SUGP1: variants seen among roughly 807,000 people sequenced by gnomAD.
SUGP1 encodes SURP and G-patch domain-containing protein 1.
SUGP1 carries 34 observed loss-of-function variants against 76.5 expected under a neutral mutation model. The observed-to-expected ratio is 0.44, with a 90% CI of 0.34 to 0.59. SUGP1 has a LOEUF of 0.59. SUGP1 is among the 20% of genes least tolerant of loss of function. The pLI, the probability that SUGP1 is intolerant of heterozygous loss-of-function variation, is 0.01. For missense variants in SUGP1, 752 were observed against 851.7 expected, an observed-to-expected ratio of 0.88 and a Z score of 1.46; for synonymous variants, 326 against 326.2, an observed-to-expected ratio of 1.00 and a Z score of 0.01.
intron 8 of SUGP1, among the ~76,000 whole-genome samples, chr19:19,292,920 T>G (rs973384377): frequency 1.3e-5 from 2 of 152,112 alleles, no homozygotes; most frequent in Admixed American, 6.6e-5. Flanking sequence ...TTACTTTTTT[T>G]TTTTGAGACT....
intron 7 of SUGP1, chr19:19,301,953 G>A (rs956933759): frequency 3.9e-5 from 14 of 363,054 alleles, no homozygotes; most frequent in South Asian, 2.0e-4. Context: ...ACTTGCCCCC[G>A]GCCAAGGGCT....
Position 19,302,368 on chromosome 19 carries a change from C to G in SUGP1, c.784G>C (p.Glu262Gln). 1 of 1,614,176 alleles carries G rather than the reference C, an allele frequency of 6.2e-7. No individual in the cohort carries two copies. The highest frequency in any genetic ancestry group is 8.5e-7 in the Non-Finnish European group (1 of 1,180,002). Residue 262 changes from glutamate to glutamine, a missense_variant, in exon 7 of 14, where the codon GAG (glutamate) becomes CAG (glutamine). Physicochemically the swap from Glu to Gln is conservative, Grantham distance 29 (BLOSUM62 2). Transcript: ENST00000247001. The part of the protein sequence containing the change: ...SQKVSPPEDE[E>Q]VKNLAEKLAR... ...AACTTTTCTGCAAGGTTCTTGACCT[C>G]TTCGTCCTCTGGGGGTGAAACTTTA...
intron 2 of SUGP1, among the ~76,000 whole-genome samples, chr19:19,314,077 C>T (rs1044071241): frequency 4.0e-5 from 6 of 151,850 alleles, no homozygotes; most frequent in Admixed American, 3.9e-4. Flanking sequence ...GCGGAGGTCG[C>T]AGTGAGCCAA....
intron 4 of SUGP1, chr19:19,304,182 C>T (rs1043370742): frequency 4.8e-5 from 26 of 543,812 alleles, no homozygotes; most frequent in Admixed American, 3.8e-4. Flanking sequence ...CATAATACAT[C>T]GGTTCCCTTT....
chr19:19,314,250 C>A (rs370083091), intron 2 of SUGP1, among the ~76,000 whole-genome samples: 1 of 151,978 alleles, frequency 6.6e-6, no homozygotes, highest in African/African-American at 2.4e-5. Context: ...CTGAATCCAA[C>A]AGGCGGAGGT....
At chr19:19,314,148 T>TA (rs557716795) in intron 2 of SUGP1, among the ~76,000 whole-genome samples, 10 of 56,906 alleles carry the variant, frequency 1.8e-4, no homozygotes, top group Admixed American at 3.7e-4. Flanking sequence ...AAAAATAAAA[T>TA]AAATAAATAA....
chr19:19,302,943 C>A (rs780240434), intron 6 of SUGP1, among the ~76,000 whole-genome samples: 5 of 152,162 alleles, frequency 3.3e-5, no homozygotes, highest in Admixed American at 6.5e-5. Flanking sequence ...GTCCCCCAGG[C>A]CCTCGGCCCT....
chr19:19,302,682 G>A (rs116228205), intron 6 of SUGP1, among the ~76,000 whole-genome samples: 5,106 of 152,056 alleles, frequency 0.034, 308 homozygotes, highest in African/African-American at 0.12. Context: ...GAAGGCAGAT[G>A]GGAGCACCCC....
intron 5 of SUGP1, 111 bp downstream of exon 5, chr19:19,303,613 A>G (rs2061290288): frequency 6.9e-7 from 1 of 1,453,882 alleles, no homozygotes. Flanking sequence ...GAGAATCAGA[A>G]AACGCTTGGA....
chr19:19,302,125 T>G, intron 7 of SUGP1, 140 bp downstream of exon 7: 2 of 1,353,078 alleles, frequency 1.5e-6, no homozygotes. Flanking sequence ...AGCTGGGCTC[T>G]GGGGTCAGAG....
intron 8 of SUGP1, among the ~76,000 whole-genome samples, chr19:19,283,802 G>C (rs765796411): frequency 6.6e-6 from 1 of 152,054 alleles, no homozygotes; most frequent in Non-Finnish European, 1.5e-5. Flanking sequence ...TGGCCAGGCT[G>C]GTCTCGAACT....
In SUGP1 at chr19:19,316,474, G is replaced by T; in HGVS notation, c.154C>A (p.Gln52Lys). 1 of 1,613,864 alleles carries T rather than the reference G, an allele frequency of 6.2e-7. No individual in the cohort carries two copies. The change falls in exon 2 of 14, where the codon CAG becomes AAG. Residue 52 changes from glutamine to lysine, a missense_variant. Coordinates refer to ENST00000247001, the MANE Select transcript of SUGP1 (RefSeq NM_172231.4). ...GCCACCTGATTCTGCTTGGCTTTCTGTTCCATTTTGGCTTCAATTTCCCGT... is the reference window on the plus strand; with the variant it reads ...GCCACCTGATTCTGCTTGGCTTTCTTTTCCATTTTGGCTTCAATTTCCCGT... Reference protein sequence around the residue: ...KKREIEAKMEQKAKQNQVASP... With the variant: ...KKREIEAKMEKKAKQNQVASP...
intron 2 of SUGP1, among the ~76,000 whole-genome samples, chr19:19,310,692 G>A (rs1407396675): frequency 6.6e-6 from 1 of 152,166 alleles, no homozygotes; most frequent in Non-Finnish European, 1.5e-5. Flanking sequence ...CGCCCAGGCT[G>A]GAGTGCAGTG....
At position 19,276,892 on chromosome 19, in the gene SUGP1, T is replaced by C. The variant is rs551180993; in HGVS notation, c.1911+55A>G. ...AGGAAGGAAGGGAGCCTTCTGTTCC[T>C]ACCACCACCCTCTCCTGTCGACTGA... On this transcript the variant is annotated intron_variant, in intron 13 of 13. Transcript: ENST00000247001. 29 of 1,604,014 alleles carry C rather than the reference T, an allele frequency of 1.8e-5. No individual in the cohort carries two copies. The South Asian group carries it at 3.1e-4, about 17-fold the overall frequency.
At chr19:19,285,687 T>C (rs2072358727) in intron 8 of SUGP1, among the ~76,000 whole-genome samples, 1 of 152,130 alleles carries the variant, frequency 6.6e-6, no homozygotes, top group Non-Finnish European at 1.5e-5. Flanking sequence ...CACCTCAGCC[T>C]TCCAAGTAGC....
intron 11 of SUGP1, 46 bp downstream of exon 11, chr19:19,278,644 G>C (rs370142064): frequency 6.5e-7 from 1 of 1,542,130 alleles, no homozygotes. Flanking sequence ...CTACAGGAGG[G>C]GCTGGCATGT....
Position 19,297,118 on chromosome 19 carries a change from TC to T in SUGP1, c.1113del (p.Lys372SerfsTer8). The T allele has an allele frequency of 6.2e-7, 1 of 1,613,668 alleles. No homozygotes were observed. The highest frequency in any genetic ancestry group is 1.1e-5 in the South Asian group (1 of 91,060). ...TTCACGGTGGCTGCGGAGGCTGGCT[TC>T]CCGGGGGCAGCTGGAGCAGGGATGA... ...PTIIPAPAAPGKPASAATVKR... is the reference protein window; with the variant it reads ...PTIIPAPAAPXKPASAATVKR... On this transcript the variant is annotated frameshift_variant, in exon 8 of 14. Coordinates refer to ENST00000247001, the MANE Select transcript of SUGP1 (RefSeq NM_172231.4). LOFTEE classifies it high-confidence loss of function.
intron 4 of SUGP1, chr19:19,304,122 G>T: frequency 8.7e-7 from 1 of 1,145,778 alleles, no homozygotes; most frequent in Non-Finnish European, 1.2e-6. Context: ...GCTTCCCCTG[G>T]TTTTGGTGGG....
intron 8 of SUGP1, among the ~76,000 whole-genome samples, chr19:19,289,697 G>T (rs762847885): frequency 6.6e-6 from 1 of 152,088 alleles, no homozygotes; most frequent in Non-Finnish European, 1.5e-5. Flanking sequence ...GCAATGAGCC[G>T]AGATAGTGCC....
Sources: gnomAD v4.1 joint callset for allele counts (sites outside exome capture counted in the v4.1 genomes callset) on GRCh38, gnomAD v4.1.1 for gene constraint, MANE v1.5 for transcripts, NCBI Gene and HGNC (gene_info 2026-07-23, HGNC 2026-07-21) for gene names.